SEPHS1: variants seen among roughly 807,000 people sequenced by gnomAD.
SEPHS1 encodes zincore component SEPHS1.
SEPHS1 carries 7 observed loss-of-function variants against 39.2 expected under a neutral mutation model. That is an observed-to-expected ratio of 0.18 (90% confidence interval 0.10 to 0.34). SEPHS1 has a LOEUF of 0.34. Among genes scored for constraint, SEPHS1 ranks in the 10% least tolerant of loss-of-function variants. The pLI is 1.00. For missense variants in SEPHS1, 253 were observed against 514.5 expected (o/e 0.49, Z 4.92); for synonymous variants, 190 against 195.5 (o/e 0.97, Z 0.23).
chr10:13,329,644 T>G lies in SEPHS1; in HGVS notation c.651+54A>C, dbSNP rs1237876415. Reference sequence around the variant, plus strand: ...CATTTCCCAAATCCTCCAACAAAAATTACCTGCAAACGTACCATTCCCCTC... The same window carrying G: ...CATTTCCCAAATCCTCCAACAAAAAGTACCTGCAAACGTACCATTCCCCTC... On this transcript the variant is annotated intron_variant, in intron 6 of 8. Coordinates refer to ENST00000327347, the MANE Select transcript of SEPHS1 (RefSeq NM_012247.5). 3.6e-6 allele frequency: 5 copies of G among 1,378,974 alleles called. No individual in the cohort carries two copies. The Admixed American group carries it at 1.0e-4, about 28-fold the overall frequency. 85.4% of individuals were successfully genotyped at this position (1,378,974 alleles called of 1,614,324 possible).
chr10:13,319,041 T>A lies in SEPHS1; in HGVS notation c.*101A>T. ...AAACCGACCTAAGGTCACCCCGATG[T>A]GTAGACACAATGAGATTTTTGTTGT... On this transcript the variant is annotated 3_prime_UTR_variant, in exon 9 of 9. Coordinates refer to ENST00000327347, the MANE Select transcript of SEPHS1 (RefSeq NM_012247.5). 8.5e-7 allele frequency: 1 copy of A among 1,177,750 alleles called. No homozygotes were observed. The allele number at this position is 1,177,750 out of a possible 1,614,324, so 73.0% of individuals were successfully genotyped here.
chr10:13,321,101 C>T (rs972098381), intron 8 of SEPHS1, among the ~76,000 whole-genome samples: 7 of 152,234 alleles, frequency 4.6e-5, no homozygotes, highest in East Asian at 1.9e-4. Context: ...CACAGGTCGA[C>T]GTGACCAGGG....
rs7898477 is a variant in SEPHS1 at position 13,323,028 on chromosome 10, C to G, written c.771G>C (p.Thr257=). ...TGTCAGTGGCGGCGTGGGCATTGAACGTGTGCATGAGTCCTGCAGCTGGGA... is the reference window on the plus strand; with the variant it reads ...TGTCAGTGGCGGCGTGGGCATTGAAGGTGTGCATGAGTCCTGCAGCTGGGA... ...LNRTAAGLMH[T]FNAHAATDIT... is the part of the protein sequence containing the mutation. Residue 257 remains threonine (T), a synonymous_variant, in exon 8 of 9, where the codon ACG becomes ACC. Transcript: ENST00000327347. 4.7e-4 allele frequency: 763 copies of G among 1,614,036 alleles called. 4 individuals are homozygous for G. In the African/African-American group the frequency reaches 8.9e-3, roughly 19 times the overall value.
intron 5 of SEPHS1, among the ~76,000 whole-genome samples, chr10:13,333,204 G>A (rs1456405752): frequency 4.0e-5 from 6 of 151,720 alleles, no homozygotes; most frequent in Non-Finnish European, 1.5e-5. Context: ...CGCGATCTTG[G>A]CTCACTGCAG....
intron 8 of SEPHS1, among the ~76,000 whole-genome samples, chr10:13,320,023 G>A (rs951314205): frequency 2.6e-5 from 4 of 152,056 alleles, no homozygotes; most frequent in East Asian, 3.9e-4. Flanking sequence ...TCATTTTACC[G>A]AGAATGCTTT....
rs761208413 is a variant in SEPHS1 at position 13,329,653 on chromosome 10, A to T, written c.651+45T>A. The T allele has an allele frequency of 9.8e-6, 14 of 1,435,812 alleles. 1 individual carries two copies. The South Asian group carries it at 1.7e-4, about 18-fold the overall frequency. The allele number at this position is 1,435,812 out of a possible 1,614,324, so 88.9% of individuals were successfully genotyped here. Reference sequence around the variant, plus strand: ...AATCCTCCAACAAAAATTACCTGCAAACGTACCATTCCCCTCCCTCCCATC... The same window carrying T: ...AATCCTCCAACAAAAATTACCTGCATACGTACCATTCCCCTCCCTCCCATC... On this transcript the variant is annotated intron_variant, in intron 6 of 8. Transcript: ENST00000327347.
intron 5 of SEPHS1, 54 bp from the exon 6 acceptor site, chr10:13,329,842 A>C (rs1203603128): frequency 5.9e-4 from 796 of 1,348,282 alleles, no homozygotes; most frequent in Non-Finnish European, 7.5e-4. Flanking sequence ...AGATGAGCTC[A>C]TTGTTATTAA....
intron 7 of SEPHS1, among the ~76,000 whole-genome samples, chr10:13,326,096 T>C (rs1833280445): frequency 6.6e-6 from 1 of 152,100 alleles, no homozygotes; most frequent in Non-Finnish European, 1.5e-5. Flanking sequence ...AGAATAATTT[T>C]CTTCATGTGA....
intron 7 of SEPHS1, among the ~76,000 whole-genome samples, chr10:13,324,786 A>AT (rs990721669): frequency 3.8e-4 from 58 of 152,110 alleles, no homozygotes; most frequent in African/African-American, 1.3e-3. Flanking sequence ...AATTTTTTGT[A>AT]TTTTTTTGGT....
chr10:13,323,978 C>A (rs930430346), intron 7 of SEPHS1, among the ~76,000 whole-genome samples: 1 of 151,952 alleles, frequency 6.6e-6, no homozygotes, highest in South Asian at 2.1e-4. Context: ...TTCACCCGAC[C>A]TATTATTTAA....
chr10:13,341,973 T>C (rs1390970725), intron 2 of SEPHS1, among the ~76,000 whole-genome samples: 1 of 112,236 alleles, frequency 8.9e-6, no homozygotes, highest in Non-Finnish European at 1.9e-5. Flanking sequence ...AGACTCTATC[T>C]CAAGGAAAAA....
chr10:13,330,981 C>T (rs966126844), intron 5 of SEPHS1, among the ~76,000 whole-genome samples: 1 of 152,094 alleles, frequency 6.6e-6, no homozygotes, highest in Non-Finnish European at 1.5e-5. Flanking sequence ...GCTATCCCTC[C>T]CCCAGCCCCC....
At chr10:13,330,465 G>C (rs962054031) in intron 5 of SEPHS1, among the ~76,000 whole-genome samples, 14 of 152,130 alleles carry the variant, frequency 9.2e-5, no homozygotes, top group Non-Finnish European at 1.0e-4. Context: ...ATACTAAAAA[G>C]GCACCTCTAA....
At chr10:13,327,381 T>C (rs1833335718) in intron 7 of SEPHS1, among the ~76,000 whole-genome samples, 1 of 152,006 alleles carries the variant, frequency 6.6e-6, no homozygotes, top group Non-Finnish European at 1.5e-5. Context: ...AACCACTACT[T>C]TAAAACAACA....
At chr10:13,323,122 T>A in intron 7 of SEPHS1, 75 bp from the exon 8 acceptor site, 1 of 1,151,544 alleles carries the variant, frequency 8.7e-7, no homozygotes, top group South Asian at 1.3e-5. Flanking sequence ...ACAATTAATC[T>A]GCAACTTCCT....
chr10:13,336,230 A>G lies in SEPHS1; in HGVS notation c.405+13T>C. On this transcript the variant is annotated intron_variant, in intron 4 of 8. Transcript: ENST00000327347. Reference sequence around the variant, plus strand: ...AACACGGACCAGGCAGCAGCCGGGTAGCTCCTACTTACCCTGTCGGTCATT... The same window carrying G: ...AACACGGACCAGGCAGCAGCCGGGTGGCTCCTACTTACCCTGTCGGTCATT... The G allele has an allele frequency of 6.4e-7, 1 of 1,572,144 alleles. No individual in the cohort carries two copies. Among genetic ancestry groups the G allele is most frequent in the Non-Finnish European group, 8.8e-7 (1 of 1,142,576 alleles).
intron 2 of SEPHS1, among the ~76,000 whole-genome samples, chr10:13,344,128 C>T (rs767095455): frequency 2.0e-5 from 3 of 152,128 alleles, no homozygotes; most frequent in Non-Finnish European, 4.4e-5. Flanking sequence ...ACCTCCTCAC[C>T]GTAACACGCT....
In SEPHS1 at chr10:13,319,375, A is replaced by G. The variant is rs1176794874; in HGVS notation, c.965-19T>C. 12 of 1,611,574 alleles carry G rather than the reference A, an allele frequency of 7.4e-6. No individual in the cohort carries two copies. The highest frequency in any genetic ancestry group is 9.3e-6 in the Non-Finnish European group (11 of 1,178,914). ...AGGCCGCCTGGCAAAAGAAAACAAG[A>G]ATGACTGTTAGTGTTGACATGACAG... On this transcript the variant is annotated intron_variant, in intron 8 of 8. Coordinates refer to ENST00000327347, the MANE Select transcript of SEPHS1 (RefSeq NM_012247.5).
At chr10:13,343,421 A>C (rs950687371) in intron 2 of SEPHS1, among the ~76,000 whole-genome samples, 9 of 152,044 alleles carry the variant, frequency 5.9e-5, no homozygotes, top group African/African-American at 2.2e-4. Context: ...TTTCCAACAA[A>C]AGCAAGTCTG....
Sources: allele counts gnomAD v4.1 joint callset (sites outside exome capture counted in the v4.1 genomes callset), GRCh38; gene constraint gnomAD v4.1.1; transcripts MANE v1.5; gene names NCBI Gene and HGNC (gene_info 2026-07-23, HGNC 2026-07-21).